The following PKD1L3 variants were observed in gnomAD, a reference collection of about 807,000 sequenced individuals.
PKD1L3 encodes the protein polycystin-1-like protein 3.
A neutral mutation model predicts 184.1 loss-of-function variants in PKD1L3; 239 were observed. The ratio of observed to expected loss-of-function variants is 1.30; its 90% CI spans 1.17 to 1.45. PKD1L3 has a LOEUF of 1.45. Among genes scored for constraint, PKD1L3 ranks in the 40% most tolerant of loss-of-function variants. The pLI is 0.00. For missense variants in PKD1L3, 2,660 were observed against 2,067.2 expected, an observed-to-expected ratio of 1.29 and a Z score of -5.56; for synonymous variants, 996 against 778.8, an observed-to-expected ratio of 1.28 and a Z score of -4.64.
At position 71,997,621 on chromosome 16, in the gene PKD1L3, G is replaced by A. The variant is rs532173148; in HGVS notation, c.418+651C>T. ...AAATTAGCCGGGCATGGTGGCACAT[G>A]CCTGTAATCCCAGCTACTAGGGAGG... On this transcript the variant is annotated intron_variant, in intron 2 of 29. Coordinates refer to ENST00000620267, the MANE Select transcript of PKD1L3 (RefSeq NM_181536.2). Among the ~76,000 whole-genome samples the A allele has an allele frequency of 3.3e-5, 5 of 152,220 alleles. No individual in the cohort carries two copies. The South Asian group carries it at 1.0e-3, about 32-fold the overall frequency.
At chr16:71,938,033 C>A (rs2038238383) in intron 24 of PKD1L3, among the ~76,000 whole-genome samples, 1 of 152,164 alleles carries the variant, frequency 6.6e-6, no homozygotes, top group Non-Finnish European at 1.5e-5. Context: ...AGGTGGGAGC[C>A]CTGCCCCCTT....
rs188560281 is a variant in PKD1L3, at chr16:71,950,723, T to C, written c.3191-413A>G. On this transcript the variant is annotated intron_variant, in intron 19 of 29. Transcript: ENST00000620267. Reference sequence around the variant, plus strand: ...TGTGGGTATAATACAGAAAACTTTTTTTTGTATTTCTCTCTTTTTTTTTTT... The same window carrying C: ...TGTGGGTATAATACAGAAAACTTTTCTTTGTATTTCTCTCTTTTTTTTTTT... Among the ~76,000 whole-genome samples, 402 of 139,674 alleles carry C rather than the reference T, an allele frequency of 2.9e-3. 3 individuals are homozygous for C. Among genetic ancestry groups the C allele is most frequent in the African/African-American group, 9.5e-3 (354 of 37,118 alleles). 91.6% of individuals were successfully genotyped at this position (139,674 alleles called of 152,430 possible).
At chr16:71,950,795 C>T (rs1428825722) in intron 19 of PKD1L3, among the ~76,000 whole-genome samples, 9 of 149,108 alleles carry the variant, frequency 6.0e-5, no homozygotes, top group Admixed American at 3.3e-4. Context: ...TGTAGTGGCA[C>T]GATCTTGGCT....
chr16:71,932,012 G>C (rs952159), intron 28 of PKD1L3, among the ~76,000 whole-genome samples: 1 of 151,912 alleles, frequency 6.6e-6, no homozygotes, highest in African/African-American at 2.4e-5. Flanking sequence ...CTAAGTAACA[G>C]GAACTACAGG....
intron 15 of PKD1L3, among the ~76,000 whole-genome samples, chr16:71,966,877 T>C (rs1380926464): frequency 6.6e-6 from 1 of 152,212 alleles, no homozygotes; most frequent in Non-Finnish European, 1.5e-5. Flanking sequence ...TATTTGCTGT[T>C]CACAATCATG....
At chr16:71,935,575 C>G (rs1307870714) in intron 25 of PKD1L3, 57 bp from the exon 26 acceptor site, 5 of 1,489,618 alleles carry the variant, frequency 3.4e-6, no homozygotes, top group Non-Finnish European at 3.6e-6. Flanking sequence ...TAGGTCTCTC[C>G]CTGCTCAAGT....
At chr16:71,989,653 G>A (rs948757922) in intron 4 of PKD1L3, among the ~76,000 whole-genome samples, 2 of 152,182 alleles carry the variant, frequency 1.3e-5, no homozygotes, top group African/African-American at 4.8e-5. Flanking sequence ...TCTGTTAGAT[G>A]TTTACGTTTT....
chr16:71,988,219 G>A (rs1234446791), intron 4 of PKD1L3, among the ~76,000 whole-genome samples: 3 of 151,840 alleles, frequency 2.0e-5, no homozygotes, highest in African/African-American at 2.4e-5. Flanking sequence ...TTTTGAAATC[G>A]TGTCTCCTTC....
chr16:71,932,208 A>T (rs572600855), intron 28 of PKD1L3, among the ~76,000 whole-genome samples: 2 of 152,328 alleles, frequency 1.3e-5, no homozygotes, highest in African/African-American at 4.8e-5. Flanking sequence ...CATTAGAATG[A>T]TCAACCATGA....
intron 24 of PKD1L3, among the ~76,000 whole-genome samples, chr16:71,940,282 A>G (rs1379597070): frequency 2.6e-5 from 4 of 152,134 alleles, no homozygotes; most frequent in Admixed American, 2.6e-4. Flanking sequence ...TACCTCTGAG[A>G]GTAATGGTTT....
rs894304766 is a variant in PKD1L3, at chr16:71,991,344, G to C, written c.536-1015C>G. ...GTCAACCACACCCACCATGATGATG[G>C]AGAAAGGTAGAGGTAACCAAACAAA... On this transcript the variant is annotated intron_variant, in intron 3 of 29. Transcript: ENST00000620267. 1.3e-4 allele frequency: 27 copies of C among 206,952 alleles called. No individual in the cohort carries two copies. The Middle Eastern group carries it at 1.5e-3, about 12-fold the overall frequency. The allele number at this position is 206,952 out of a possible 1,614,324, so 12.8% of individuals were successfully genotyped here.
At position 71,963,186 on chromosome 16, in the gene PKD1L3, A is replaced by G. The variant is rs1188946456; in HGVS notation, c.2612+19T>C. 2 of 1,535,180 alleles carry G rather than the reference A, an allele frequency of 1.3e-6. No individual in the cohort carries two copies. Among genetic ancestry groups the G allele is most frequent in the African/African-American group, 2.8e-5 (2 of 72,462 alleles). On this transcript the variant is annotated intron_variant, in intron 16 of 29. Coordinates refer to ENST00000620267, the MANE Select transcript of PKD1L3 (RefSeq NM_181536.2). ...GTGAACATCAATATTCACTGTTAAT[A>G]GTAATTTTCCAACAGTACCTAAAGG...
intron 21 of PKD1L3, among the ~76,000 whole-genome samples, chr16:71,949,110 C>G (rs953100654): frequency 1.8e-4 from 27 of 152,252 alleles, no homozygotes; most frequent in African/African-American, 6.3e-4. Context: ...ATTGTTGAAG[C>G]TGGGTGGTAC....
At chr16:71,930,387 T>TA in intron 28 of PKD1L3, 1 of 414,850 alleles carries the variant, frequency 2.4e-6, no homozygotes. Context: ...GAGGTTAAGA[T>TA]AATTGTGACT....
intron 21 of PKD1L3, among the ~76,000 whole-genome samples, chr16:71,948,803 T>TTAAAAAAAAAAA (rs540911511): frequency 7.4e-5 from 6 of 81,206 alleles, no homozygotes; most frequent in Admixed American, 3.5e-4. Context: ...TTACATATAG[T>TTAAAAAAAAAAA]AAAAAAAAAA....
chr16:71,989,342 G>A (rs1315803990), intron 4 of PKD1L3, among the ~76,000 whole-genome samples: 6 of 152,138 alleles, frequency 3.9e-5, no homozygotes, highest in Admixed American at 6.6e-5. Context: ...TAGTAGAGAC[G>A]AGGTTTCACC....
rs2039961194 is a variant in PKD1L3, at chr16:71,977,231, T to A, written c.1759+5A>T. On this transcript the variant is annotated splice_donor_5th_base_variant and intron_variant, in intron 11 of 29. Transcript: ENST00000620267. ...GTAAGTTTCTGACAGCTGATTGGGT[T>A]TTACCTTTTTGCCACACCTTATCCT... 6.6e-7 allele frequency: 1 copy of A among 1,508,160 alleles called. No homozygotes were observed. Among genetic ancestry groups the A allele is most frequent in the Non-Finnish European group, 9.0e-7 (1 of 1,107,550 alleles). The allele number at this position is 1,508,160 out of a possible 1,614,324, so 93.4% of individuals were successfully genotyped here. A position where few individuals can be genotyped will look rare whatever the true frequency, so the allele number is the denominator to read the frequency against.
intron 28 of PKD1L3, among the ~76,000 whole-genome samples, chr16:71,932,653 GTTTT>G (rs2143102240): frequency 6.6e-6 from 1 of 151,334 alleles, no homozygotes; most frequent in East Asian, 2.0e-4. Flanking sequence ...TAATTTTTGT[GTTTT>G]TATTAGAGAT....
At chr16:71,989,895 C>A (rs1441977589) in intron 4 of PKD1L3, among the ~76,000 whole-genome samples, 1 of 151,570 alleles carries the variant, frequency 6.6e-6, no homozygotes, top group African/African-American at 2.4e-5. Context: ...GCCAACATAG[C>A]AAAACTCCAT....
Sources: allele counts gnomAD v4.1 joint callset (sites outside exome capture counted in the v4.1 genomes callset), GRCh38; gene constraint gnomAD v4.1.1; transcripts MANE v1.5; gene names NCBI Gene and HGNC (gene_info 2026-07-23, HGNC 2026-07-21).